Variants in AP2A2 observed in about 807,000 individuals in gnomAD.
The protein encoded by AP2A2 is adaptor related protein complex 2 subunit alpha 2.
A neutral mutation model predicts 104.2 loss-of-function variants in AP2A2; 32 were observed. The observed-to-expected ratio is 0.31, with a 90% confidence interval of 0.23 to 0.41. The LOEUF (loss-of-function observed/expected upper bound fraction) is 0.41, where lower values mean the gene tolerates loss of function less well. AP2A2 is among the 10% of genes least tolerant of loss of function. The pLI is 1.00. For synonymous variants in AP2A2, 539 were observed against 533.3 expected (o/e 1.01, Z -0.15); for missense variants, 912 against 1,261.0 (o/e 0.72, Z 4.19).
intron 15 of AP2A2, among the ~76,000 whole-genome samples, chr11:1,002,517 G>A (rs1049627694): frequency 4.6e-5 from 7 of 152,278 alleles, no homozygotes; most frequent in Non-Finnish European, 8.8e-5. Context: ...GGGCGGCTGT[G>A]GCCTCCAGAG....
intron 4 of AP2A2, among the ~76,000 whole-genome samples, chr11:976,140 A>C (rs771001497): frequency 3.3e-5 from 5 of 152,182 alleles, no homozygotes; most frequent in Non-Finnish European, 7.4e-5. Flanking sequence ...CCACACATCC[A>C]CATGGACGCA....
rs11823319 is a variant in AP2A2 at position 938,366 on chromosome 11, G to A, written c.67+12278G>A. Among the ~76,000 whole-genome samples, 1,400 of 152,252 alleles carry A rather than the reference G, an allele frequency of 9.2e-3. 29 individuals carry two copies. Among genetic ancestry groups the A allele is most frequent in the African/African-American group, 0.032 (1,331 of 41,552 alleles). ...CTTGTAGTTTATTTTCTTGTGAGAT[G>A]GGTCTCCATCATTCCTCGCATCGAT... On this transcript the variant is annotated intron_variant, in intron 1 of 21. Transcript: ENST00000448903.
At position 1,011,055 on chromosome 11, in the gene AP2A2, G is replaced by T. The variant is rs1472091024; in HGVS notation, c.*430G>T. 7.8e-6 allele frequency: 5 copies of T among 639,176 alleles called. No homozygotes were observed. The highest frequency in any genetic ancestry group is 1.5e-5 in the Non-Finnish European group (5 of 339,042). The allele number at this position is 639,176 out of a possible 1,614,324, so 39.6% of individuals were successfully genotyped here. On this transcript the variant is annotated 3_prime_UTR_variant, in exon 22 of 22. Coordinates refer to ENST00000448903, the MANE Select transcript of AP2A2 (RefSeq NM_012305.4). ...CTGAGCCTTGGTGTGTGGCCGTCCT[G>T]GTGGCTGCACACCTGGCGTCGTCCT...
At chr11:1,002,293 C>G (rs1355224770) in intron 15 of AP2A2, among the ~76,000 whole-genome samples, 1 of 152,238 alleles carries the variant, frequency 6.6e-6, no homozygotes, top group Non-Finnish European at 1.5e-5. Context: ...GTGCGGTGAG[C>G]ACGTGGACCT....
chr11:967,944 A>G lies in AP2A2; in HGVS notation c.137-2225A>G, dbSNP rs117025112. Among the ~76,000 whole-genome samples the G allele has an allele frequency of 9.5e-3, 1,450 of 152,312 alleles. 11 individuals carry two copies. The highest frequency in any genetic ancestry group is 0.016 in the Non-Finnish European group (1,064 of 68,018). ...TAGAATAAAAAAGTAATTCTAGCCT[A>G]GTACTGAAACCAGCATTTTGAAGAC... On this transcript the variant is annotated intron_variant, in intron 2 of 21. Transcript: ENST00000448903.
chr11:938,527 T>C (rs1853540027), intron 1 of AP2A2, among the ~76,000 whole-genome samples: 1 of 150,768 alleles, frequency 6.6e-6, no homozygotes, highest in Admixed American at 6.6e-5. Context: ...CAGGCTGGAG[T>C]GCAGTGGCGC....
Position 1,011,400 on chromosome 11 carries a change from TC to T in AP2A2, c.*777del, listed in dbSNP as rs2133802711. The T allele has an allele frequency of 3.9e-6, 2 of 514,352 alleles. No homozygotes were observed. Among genetic ancestry groups the T allele is most frequent in the Non-Finnish European group, 7.8e-6 (2 of 257,600 alleles). The allele number at this position is 514,352 out of a possible 1,614,324, so 31.9% of individuals were successfully genotyped here. ...AGACTCAGAGGTGTGCTCGTCTCTT[TC>T]CTGTCAGAGTGGGCGTCCCCAGGCC... On this transcript the variant is annotated 3_prime_UTR_variant, in exon 22 of 22. Transcript: ENST00000448903.
rs1191952306 is a variant in AP2A2, at chr11:968,543, G to A, written c.137-1626G>A. Among the ~76,000 whole-genome samples the A allele has an allele frequency of 6.6e-6, 1 of 152,160 alleles. No individual in the cohort carries two copies. Among genetic ancestry groups the A allele is most frequent in the African/African-American group, 2.4e-5 (1 of 41,442 alleles). On this transcript the variant is annotated intron_variant, in intron 2 of 21. Transcript: ENST00000448903. The surrounding 1 kb of genome is among the most constrained non-coding windows in gnomAD (Gnocchi z 4.2). ...TTTTTTCCTTTGAGAGGTGCTTTGA[G>A]TAACAGGGAAGTCTCCGGAGGGAGG...
rs566802527 is a variant in AP2A2, at chr11:1,010,208, G to A, written c.2743-340G>A. ...CCTTCTCACCACGTCCCGTTCTGGC[G>A]ACGGACACCTGTCTCCGTTTCACTT... On this transcript the variant is annotated intron_variant, in intron 21 of 21. Transcript: ENST00000448903. 201 of 490,390 alleles carry A rather than the reference G, an allele frequency of 4.1e-4. 3 individuals carry two copies. In the East Asian group the frequency reaches 6.3e-3, roughly 15 times the overall value. The allele number at this position is 490,390 out of a possible 1,614,324, so 30.4% of individuals were successfully genotyped here. A position where few individuals can be genotyped will look rare whatever the true frequency, so the allele number is the denominator to read the frequency against.
intron 7 of AP2A2, among the ~76,000 whole-genome samples, chr11:985,011 T>C (rs1016588494): frequency 1.3e-5 from 2 of 152,172 alleles, no homozygotes; most frequent in Middle Eastern, 3.2e-3. Flanking sequence ...TGAGATGGAG[T>C]CTCCCTTTGT....
At chr11:947,902 A>G (rs768232221) in intron 1 of AP2A2, among the ~76,000 whole-genome samples, 2 of 152,176 alleles carry the variant, frequency 1.3e-5, no homozygotes, top group South Asian at 2.1e-4. Context: ...GGTGCAATGA[A>G]CTATGATCAC....
intron 3 of AP2A2, among the ~76,000 whole-genome samples, chr11:970,995 A>G (rs1163258680): frequency 6.6e-6 from 1 of 152,254 alleles, no homozygotes; most frequent in Non-Finnish European, 1.5e-5. Flanking sequence ...CCCTGGTGGT[A>G]TAAAGTAATA....
chr11:1,008,909 G>GTCC, intron 18 of AP2A2, 191 bp from the exon 19 acceptor site: 1 of 601,730 alleles, frequency 1.7e-6, no homozygotes, highest in Non-Finnish European at 3.0e-6. Context: ...GCCCTGGCCT[G>GTCC]TCCTCCTGTC....
At chr11:970,783 C>T (rs941768850) in intron 3 of AP2A2, among the ~76,000 whole-genome samples, 3 of 152,216 alleles carry the variant, frequency 2.0e-5, no homozygotes, top group African/African-American at 4.8e-5. Flanking sequence ...AGACCCGTCC[C>T]GTGGTCCCTT....
At chr11:957,501 T>A (rs771662380) in intron 1 of AP2A2, among the ~76,000 whole-genome samples, 3 of 152,054 alleles carry the variant, frequency 2.0e-5, no homozygotes, top group Non-Finnish European at 2.9e-5. Context: ...TCAGACAAGG[T>A]AGGTCAGAGA....
chr11:996,532 C>A (rs1564817705), intron 14 of AP2A2, among the ~76,000 whole-genome samples: 1 of 152,176 alleles, frequency 6.6e-6, no homozygotes. Flanking sequence ...CCTTTGATCA[C>A]ACCCAGGTTT....
chr11:962,937 C>CTGAGGTGAGGCCTCAGG (rs1854491187), intron 2 of AP2A2, among the ~76,000 whole-genome samples: 1 of 152,044 alleles, frequency 6.6e-6, no homozygotes, highest in South Asian at 2.1e-4. Flanking sequence ...AATGTGCTGC[C>CTGAGGTGAGGCCTCAGG]TGAGGCCTGC....
intron 2 of AP2A2, among the ~76,000 whole-genome samples, chr11:962,026 T>A (rs1854459145): frequency 6.6e-6 from 1 of 151,914 alleles, no homozygotes. Context: ...GAGATGTGGG[T>A]CTGACAGTCG....
At chr11:947,912 C>T (rs372739258) in intron 1 of AP2A2, among the ~76,000 whole-genome samples, 5 of 152,116 alleles carry the variant, frequency 3.3e-5, no homozygotes, top group East Asian at 3.8e-4. Context: ...ACTATGATCA[C>T]GCCCCTGCAC....
Sources: allele counts gnomAD v4.1 joint callset (sites outside exome capture counted in the v4.1 genomes callset), GRCh38; gene constraint gnomAD v4.1.1; non-coding constraint Gnocchi (gnomAD v3.1); transcripts MANE v1.5; gene names NCBI Gene and HGNC (gene_info 2026-07-23, HGNC 2026-07-21).